Variants in C5orf52 observed in about 807,000 individuals in gnomAD.
C5orf52 encodes the protein uncharacterized protein C5orf52.
Under a neutral mutation model 16.8 loss-of-function variants are expected in C5orf52, and 15 were observed. The observed-to-expected ratio is 0.89, with a 90% CI of 0.60 to 1.38. The LOEUF (loss-of-function observed/expected upper bound fraction) is 1.38. Ranked by LOEUF, C5orf52 falls within the 40% of genes most tolerant of loss-of-function variation. The pLI, the probability that C5orf52 is intolerant of heterozygous loss-of-function variation, is 0.00. For missense variants in C5orf52, 206 were observed against 213.1 expected, an observed-to-expected ratio of 0.97 and a Z score of 0.21; for synonymous variants, 83 against 87.2, an observed-to-expected ratio of 0.95 and a Z score of 0.27.
At chr5:157,678,754 C>T (rs1299406107) in intron 2 of C5orf52, among the ~76,000 whole-genome samples, 2 of 152,176 alleles carry the variant, frequency 1.3e-5, no homozygotes, top group African/African-American at 4.8e-5. Flanking sequence ...AGCCACAGCG[C>T]CCAGCCAAGT....
chr5:157,675,248 C>G (rs1353755010), intron 2 of C5orf52, 48 bp downstream of exon 2: 1 of 1,123,636 alleles, frequency 8.9e-7, no homozygotes, highest in Non-Finnish European at 1.3e-6. Flanking sequence ...GTGGCTTGAC[C>G]CATATTCATT....
intron 1 of C5orf52, 69 bp downstream of exon 1, chr5:157,671,895 C>T: frequency 9.3e-7 from 1 of 1,078,126 alleles, no homozygotes. Context: ...CTCTTTGGGA[C>T]TCGCGCTCCC....
At chr5:157,678,355 G>A (rs1017372610) in intron 2 of C5orf52, among the ~76,000 whole-genome samples, 9 of 152,126 alleles carry the variant, frequency 5.9e-5, no homozygotes, top group African/African-American at 1.4e-4. Flanking sequence ...GTTAAAAAAC[G>A]TACATTCCCA....
At chr5:157,672,401 G>T (rs1220557706) in intron 1 of C5orf52, among the ~76,000 whole-genome samples, 2 of 152,070 alleles carry the variant, frequency 1.3e-5, no homozygotes, top group Non-Finnish European at 2.9e-5. Context: ...AAAGCAATTT[G>T]GTTCAAAATG....
intron 2 of C5orf52, among the ~76,000 whole-genome samples, chr5:157,675,601 C>T (rs545358592): frequency 6.6e-5 from 10 of 152,130 alleles, no homozygotes; most frequent in South Asian, 6.2e-4. Flanking sequence ...GTCAGGAATT[C>T]GAGACCAGCC....
At chr5:157,675,884 C>T (rs1022233490) in intron 2 of C5orf52, among the ~76,000 whole-genome samples, 2 of 152,062 alleles carry the variant, frequency 1.3e-5, no homozygotes, top group African/African-American at 4.8e-5. Flanking sequence ...CCTGCTTACT[C>T]GAAATCCTGA....
rs931925719 is a variant in C5orf52, at chr5:157,671,954, C to T, written c.212+128C>T. ...TCACACCCCAGGATAGTCGATTTCT[C>T]GTAGCCCCGGGCACCAGCACCTTCC... On this transcript the variant is annotated intron_variant, in intron 1 of 2. Transcript: ENST00000409999. 3 of 596,738 alleles carry T rather than the reference C, an allele frequency of 5.0e-6. No individual in the cohort carries two copies. The African/African-American group carries it at 5.8e-5, about 12-fold the overall frequency. 37.0% of individuals were successfully genotyped at this position (596,738 alleles called of 1,614,324 possible). A position where few individuals can be genotyped will look rare whatever the true frequency, so the allele number is the denominator to read the frequency against.
intron 1 of C5orf52, 27 bp downstream of exon 1, chr5:157,671,853 G>A: frequency 1.4e-6 from 2 of 1,435,720 alleles, no homozygotes; most frequent in Non-Finnish European, 1.9e-6. Context: ...CAGAGCGTTC[G>A]TCAGACCCTC....
At chr5:157,676,099 A>G (rs7729788) in intron 2 of C5orf52, among the ~76,000 whole-genome samples, 76,988 of 151,878 alleles carry the variant, frequency 0.51, 22,748 homozygotes, top group African/African-American at 0.83. Flanking sequence ...TTGAGACAGA[A>G]TTTCATTCCT....
intron 2 of C5orf52, among the ~76,000 whole-genome samples, chr5:157,675,711 AAAAC>A (rs1332703160): frequency 2.0e-5 from 3 of 152,184 alleles, no homozygotes; most frequent in Admixed American, 1.3e-4. Flanking sequence ...TCCATCTCAA[AAAAC>A]AAACAAACAA....
chr5:157,671,955 G>A (rs1759802401), intron 1 of C5orf52, 129 bp downstream of exon 1: 2 of 588,568 alleles, frequency 3.4e-6, no homozygotes, highest in East Asian at 3.3e-5. Flanking sequence ...TCGATTTCTC[G>A]TAGCCCCGGG....
Position 157,675,090 on chromosome 5 carries a change from A to G in C5orf52, c.213-2A>G. 7 of 1,546,398 alleles carry G rather than the reference A, an allele frequency of 4.5e-6. No homozygotes were observed. The highest frequency in any genetic ancestry group is 5.3e-6 in the Non-Finnish European group (6 of 1,142,092). On this transcript the variant is annotated splice_acceptor_variant, in intron 1 of 2. Coordinates refer to ENST00000409999, the MANE Select transcript of C5orf52 (RefSeq NM_001145132.2). LOFTEE classifies it high-confidence loss of function. The stretch of plus-strand genomic sequence containing the variant: ...TGTGCCACCTTTCCCTCCCTGCTCC[A>G]GCTTAATGAATTCCAGTGAAGCAGC...
chr5:157,671,494 A>T (rs934494975), upstream of C5orf52: 1 of 788,386 alleles, frequency 1.3e-6, no homozygotes, highest in African/African-American at 1.8e-5. Context: ...TCTCCCAGGC[A>T]ACGCGCCGCG....
At chr5:157,676,675 C>T (rs1240012834) in intron 2 of C5orf52, among the ~76,000 whole-genome samples, 1 of 152,108 alleles carries the variant, frequency 6.6e-6, no homozygotes, top group Admixed American at 6.6e-5. Context: ...AAGATCCTCT[C>T]AGTTGCAGGT....
upstream of C5orf52, among the ~76,000 whole-genome samples, chr5:157,671,115 G>A (rs1433890406): frequency 6.6e-6 from 1 of 152,234 alleles, no homozygotes; most frequent in African/African-American, 2.4e-5. Flanking sequence ...AAAGACACCA[G>A]TCTTGATCCT....
intron 2 of C5orf52, among the ~76,000 whole-genome samples, chr5:157,678,015 G>A (rs1759936506): frequency 6.6e-6 from 1 of 152,028 alleles, no homozygotes; most frequent in Admixed American, 6.6e-5. Context: ...AGAAAATGGT[G>A]GTAATAGCAG....
At chr5:157,679,774 C>G in intron 2 of C5orf52, 67 bp from the exon 3 acceptor site, 1 of 1,444,098 alleles carries the variant, frequency 6.9e-7, no homozygotes, top group Non-Finnish European at 9.3e-7. Context: ...GTCTGCCCTG[C>G]TGCGAAGTAA....
chr5:157,675,321 C>A, intron 2 of C5orf52, 121 bp downstream of exon 2: 1 of 633,844 alleles, frequency 1.6e-6, no homozygotes. Flanking sequence ...TGCTCTAAGG[C>A]AGGCCCCATT....
chr5:157,677,985 C>T (rs1443909818), intron 2 of C5orf52, among the ~76,000 whole-genome samples: 1 of 150,852 alleles, frequency 6.6e-6, no homozygotes, highest in Non-Finnish European at 1.5e-5. Flanking sequence ...GAGACCCTGT[C>T]TCAAAAAAAA....
Sources: allele counts gnomAD v4.1 joint callset (sites outside exome capture counted in the v4.1 genomes callset), GRCh38; gene constraint gnomAD v4.1.1; transcripts MANE v1.5; gene names NCBI Gene and HGNC (gene_info 2026-07-23, HGNC 2026-07-21).